The following PDE4D variants were observed in gnomAD, a reference collection of about 807,000 sequenced individuals.
PDE4D encodes the protein phosphodiesterase 4D.
In PDE4D, 24 loss-of-function variants were observed where a neutral mutation model predicts 87.4. The ratio of observed to expected loss-of-function variants is 0.27; its 90% CI spans 0.20 to 0.39. PDE4D has a LOEUF of 0.39. PDE4D is among the 10% of genes least tolerant of loss of function. The pLI is 1.00. For synonymous variants in PDE4D, 384 were observed against 383.2 expected (o/e 1.00, Z -0.02); for missense variants, 714 against 1,041.0 (o/e 0.69, Z 4.32).
chr5:59,201,959 T>C (rs1747515817), intron 2 of PDE4D, among the ~76,000 whole-genome samples: 2 of 151,632 alleles, frequency 1.3e-5, no homozygotes, highest in Admixed American at 6.6e-5. Flanking sequence ...ATCTTCCAAA[T>C]TGAAACTTTT....
intron 1 of PDE4D, among the ~76,000 whole-genome samples, chr5:59,504,678 C>T (rs1296399588): frequency 2.0e-5 from 3 of 152,264 alleles, no homozygotes; most frequent in Admixed American, 6.5e-5. Flanking sequence ...CATGTGTTCT[C>T]TCCTTTGGTG....
intron 1 of PDE4D, among the ~76,000 whole-genome samples, chr5:60,356,996 T>C (rs1299925420): frequency 6.6e-6 from 1 of 152,074 alleles, no homozygotes. Flanking sequence ...AATTCACTGG[T>C]GATGTTTTTA....
intron 5 of PDE4D, among the ~76,000 whole-genome samples, chr5:59,106,077 T>C (rs933078436): frequency 6.6e-6 from 1 of 152,182 alleles, no homozygotes; most frequent in African/African-American, 2.4e-5. Flanking sequence ...TAATATATAA[T>C]TGGGTTTCTC....
At chr5:59,801,039 A>G (rs1202574623) in intron 1 of PDE4D, among the ~76,000 whole-genome samples, 1 of 152,198 alleles carries the variant, frequency 6.6e-6, no homozygotes, top group Non-Finnish European at 1.5e-5. Flanking sequence ...TGAGACAAAT[A>G]TCTTTGATCT....
chr5:60,237,302 T>C (rs1322460958), intron 1 of PDE4D, among the ~76,000 whole-genome samples: 1 of 152,050 alleles, frequency 6.6e-6, no homozygotes, highest in East Asian at 1.9e-4. Context: ...AAAAGAATTA[T>C]GATCGCAGCA....
intron 1 of PDE4D, among the ~76,000 whole-genome samples, chr5:59,447,738 G>A (rs1469273285): frequency 6.6e-6 from 1 of 152,182 alleles, no homozygotes; most frequent in Non-Finnish European, 1.5e-5. Flanking sequence ...AGCTTTCCAA[G>A]CCCATTATTG....
chr5:59,472,645 A>G (rs1802631381), intron 1 of PDE4D, among the ~76,000 whole-genome samples: 1 of 152,164 alleles, frequency 6.6e-6, no homozygotes, highest in Non-Finnish European at 1.5e-5. Flanking sequence ...AAGTCTCTTT[A>G]TACTATTCAT....
At chr5:59,894,498 A>G (rs1013525032), upstream of PDE4D, among the ~76,000 whole-genome samples, 8 of 152,176 alleles carry the variant, frequency 5.3e-5, no homozygotes, top group Admixed American at 3.3e-4. Context: ...GAGAATGCCC[A>G]ATGTTTCCTC....
chr5:59,732,754 T>C (rs1273510282), intron 1 of PDE4D, among the ~76,000 whole-genome samples: 1 of 152,142 alleles, frequency 6.6e-6, no homozygotes, highest in Non-Finnish European at 1.5e-5. Context: ...AATTAAATAA[T>C]GAAATCTGTT....
At chr5:59,381,946 G>A (rs545237946) in intron 1 of PDE4D, among the ~76,000 whole-genome samples, 11 of 152,210 alleles carry the variant, frequency 7.2e-5, no homozygotes, top group African/African-American at 2.6e-4. Flanking sequence ...AAAAGTGAAT[G>A]AAAACAGTTT....
At chr5:59,031,915 G>A (rs912669349) in intron 6 of PDE4D, among the ~76,000 whole-genome samples, 5 of 151,984 alleles carry the variant, frequency 3.3e-5, no homozygotes, top group African/African-American at 4.8e-5. Flanking sequence ...GAGTAGAAAG[G>A]TGGGTTACCA....
At chr5:60,294,189 G>A (rs1257473870) in intron 1 of PDE4D, among the ~76,000 whole-genome samples, 1 of 152,096 alleles carries the variant, frequency 6.6e-6, no homozygotes, top group African/African-American at 2.4e-5. Flanking sequence ...TAAAGATGTG[G>A]AGCACTCTTT....
At chr5:60,218,083 CA>C (rs1744077418) in intron 1 of PDE4D, among the ~76,000 whole-genome samples, 2 of 151,840 alleles carry the variant, frequency 1.3e-5, no homozygotes, top group South Asian at 2.1e-4. Context: ...ATGTATTCAT[CA>C]AAAATCACAA....
At chr5:59,698,082 T>C (rs1271767510) in intron 1 of PDE4D, among the ~76,000 whole-genome samples, 1 of 152,150 alleles carries the variant, frequency 6.6e-6, no homozygotes, top group East Asian at 1.9e-4. Flanking sequence ...ACAAAAATAT[T>C]ACAAAAACAG....
At chr5:60,093,243 T>C (rs991437155) in intron 2 of PDE4D, among the ~76,000 whole-genome samples, 10 of 152,212 alleles carry the variant, frequency 6.6e-5, no homozygotes, top group African/African-American at 2.4e-4. Context: ...TTAGATCCCC[T>C]GCTTATCCTT....
intron 1 of PDE4D, among the ~76,000 whole-genome samples, chr5:60,435,377 T>C (rs1744681230): frequency 6.6e-6 from 1 of 152,100 alleles, no homozygotes; most frequent in Non-Finnish European, 1.5e-5. Context: ...CTTAAATGTT[T>C]AAATTTCCAG....
chr5:59,740,094 A>G (rs1344939991), intron 1 of PDE4D, among the ~76,000 whole-genome samples: 1 of 152,194 alleles, frequency 6.6e-6, no homozygotes, highest in Non-Finnish European at 1.5e-5. Flanking sequence ...TTATTTATAA[A>G]AGTAGAAAAT....
At chr5:59,814,795 G>C (rs1768792071) in intron 1 of PDE4D, among the ~76,000 whole-genome samples, 1 of 152,078 alleles carries the variant, frequency 6.6e-6, no homozygotes, top group Non-Finnish European at 1.5e-5. Flanking sequence ...TTCCTGATCT[G>C]ATTATAAGAG....
At chr5:60,114,884 G>A (rs1253704196) in intron 2 of PDE4D, among the ~76,000 whole-genome samples, 2 of 149,888 alleles carry the variant, frequency 1.3e-5, no homozygotes, top group East Asian at 1.9e-4. Flanking sequence ...GTATGTGTGT[G>A]TATATATATA....
Sources: allele counts gnomAD v4.1 joint callset (sites outside exome capture counted in the v4.1 genomes callset), GRCh38; gene constraint gnomAD v4.1.1; transcripts MANE v1.5; gene names NCBI Gene and HGNC (gene_info 2026-07-23, HGNC 2026-07-21).